The following CALCRL variants were observed in gnomAD, a reference collection of about 807,000 sequenced individuals.
CALCRL encodes the protein calcitonin receptor like receptor, also known as calcitonin gene-related peptide type 1 receptor.
In CALCRL, 27 loss-of-function variants were observed where a neutral mutation model predicts 60.4. The ratio of observed to expected loss-of-function variants is 0.45; its 90% CI spans 0.33 to 0.62. CALCRL has a LOEUF of 0.62. Among genes scored for constraint, CALCRL ranks in the 20% least tolerant of loss-of-function variants. CALCRL has a pLI of 0.03. For missense variants in CALCRL, 424 were observed against 540.7 expected, an observed-to-expected ratio of 0.78 and a Z score of 2.14; for synonymous variants, 190 against 182.6, an observed-to-expected ratio of 1.04 and a Z score of -0.33.
chr2:187,381,484 G>A (rs987628415), intron 5 of CALCRL, among the ~76,000 whole-genome samples: 3 of 151,428 alleles, frequency 2.0e-5, no homozygotes, highest in Admixed American at 6.6e-5. Flanking sequence ...TTGAGACTGA[G>A]TCTTGCTCTG....
In CALCRL at chr2:187,417,833, A is replaced by G. The variant is rs1689683175; in HGVS notation, c.-292-30077T>C. Among the ~76,000 whole-genome samples the G allele has an allele frequency of 2.0e-5, 3 of 152,222 alleles. No individual in the cohort carries two copies. In the South Asian group the frequency reaches 6.2e-4, roughly 32 times the overall value. On this transcript the variant is annotated intron_variant, in intron 1 of 14. Coordinates refer to ENST00000392370, the MANE Select transcript of CALCRL (RefSeq NM_005795.6). ...AAAAGTTAATTTAAAGGTATGAACT[A>G]TAAAACCACCACAGGAAAGAGGATA...
chr2:187,391,340 T>G (rs1688437888), intron 1 of CALCRL, among the ~76,000 whole-genome samples: 1 of 152,210 alleles, frequency 6.6e-6, no homozygotes, highest in Non-Finnish European at 1.5e-5. Flanking sequence ...TCTTGTTAAA[T>G]TATTTACTGA....
At chr2:187,346,537 GC>G in intron 14 of CALCRL, 138 bp from the exon 15 acceptor site, 1 of 587,498 alleles carries the variant, frequency 1.7e-6, no homozygotes, top group South Asian at 2.3e-5. Context: ...GAATAATATA[GC>G]TTCATTTTCT....
chr2:187,399,462 A>C (rs1688792955), intron 1 of CALCRL, among the ~76,000 whole-genome samples: 2 of 151,626 alleles, frequency 1.3e-5, no homozygotes, highest in South Asian at 4.1e-4. Context: ...TATAGATAGG[A>C]CATTGAAAGC....
intron 9 of CALCRL, among the ~76,000 whole-genome samples, chr2:187,361,145 A>G (rs1450520890): frequency 7.2e-6 from 1 of 139,198 alleles, no homozygotes; most frequent in East Asian, 2.1e-4. Context: ...TAGTAATTTT[A>G]AAACCAATTC....
rs930053491 is a variant in CALCRL, at chr2:187,342,264, A to T, written c.*3920T>A. On this transcript the variant is annotated 3_prime_UTR_variant, in exon 15 of 15. Transcript: ENST00000392370. ...GTAGAGATAGAGGGATAGAGAAGTG[A>T]TGGCTAAAGGATACACTGTTTCTTC... 1.3e-5 allele frequency among the ~76,000 whole-genome samples: 2 copies of T among 151,782 alleles called. No individual in the cohort carries two copies. The highest frequency in any genetic ancestry group is 4.8e-5 in the African/African-American group (2 of 41,432).
rs1287466699 is a variant in CALCRL at position 187,345,484 on chromosome 2, G to T, written c.*700C>A. ...AAGATGTTTTCCTAATGATATAGAAGTAGGATTGCATATTATACATCCTGT... is the reference window on the plus strand; with the variant it reads ...AAGATGTTTTCCTAATGATATAGAATTAGGATTGCATATTATACATCCTGT... On this transcript the variant is annotated 3_prime_UTR_variant, in exon 15 of 15. Transcript: ENST00000392370. 1 of 152,160 alleles carries T rather than the reference G, an allele frequency of 6.6e-6. No homozygotes were observed. Among genetic ancestry groups the T allele is most frequent in the African/African-American group, 2.4e-5 (1 of 41,368 alleles). 9.4% of individuals were successfully genotyped at this position (152,160 alleles called of 1,614,324 possible).
intron 1 of CALCRL, among the ~76,000 whole-genome samples, chr2:187,424,241 G>C (rs889931055): frequency 6.6e-6 from 1 of 152,000 alleles, no homozygotes; most frequent in Non-Finnish European, 1.5e-5. Flanking sequence ...TAAATGAGGG[G>C]TCTGTTTTTC....
At chr2:187,407,055 G>A (rs1038385961) in intron 1 of CALCRL, among the ~76,000 whole-genome samples, 2 of 151,806 alleles carry the variant, frequency 1.3e-5, no homozygotes, top group Non-Finnish European at 2.9e-5. Context: ...TTTTGTATGT[G>A]CCTTCTAACA....
In CALCRL at chr2:187,379,030, G is replaced by C. The variant is rs769126510; in HGVS notation, c.410C>G (p.Thr137Ser). 1 of 1,592,480 alleles carries C rather than the reference G, an allele frequency of 6.3e-7. No individual in the cohort carries two copies. The highest frequency in any genetic ancestry group is 8.6e-7 in the Non-Finnish European group (1 of 1,163,274). Residue 137 changes from threonine to serine, a missense_variant and splice_region_variant, in exon 8 of 15, where the codon ACT becomes AGT. Thr to Ser is a moderately conservative substitution (Grantham distance 58). Coordinates refer to ENST00000392370, the MANE Select transcript of CALCRL (RefSeq NM_005795.6). Reference sequence around the variant, plus strand: ...GGTCAGGTAAAACAAATTTAGTGCAGTCTGTAATTTGTATAAACAAAAAAA... The same window carrying C: ...GGTCAGGTAAAACAAATTTAGTGCACTCTGTAATTTGTATAAACAAAAAAA... ...CNVNTHEKVK[T>S]ALNLFYLTII...
At chr2:187,433,537 A>C (rs1319514536) in intron 1 of CALCRL, among the ~76,000 whole-genome samples, 1 of 152,126 alleles carries the variant, frequency 6.6e-6, no homozygotes, top group African/African-American at 2.4e-5. Flanking sequence ...CAAAAAGAAA[A>C]CATTATTAAG....
Position 187,438,858 on chromosome 2 carries a change from T to C in CALCRL, c.-293+9181A>G, listed in dbSNP as rs1160827119. Among the ~76,000 whole-genome samples the C allele has an allele frequency of 2.6e-4, 39 of 152,172 alleles. 1 individual carries two copies. Among genetic ancestry groups the C allele is most frequent in the Non-Finnish European group, 2.9e-5 (2 of 68,024 alleles). ...TCAAAGTCAGTGAAGAAATACATAT[T>C]AGGTTGAAGTAAGAATAAAAAAATG... On this transcript the variant is annotated intron_variant, in intron 1 of 14. Coordinates refer to ENST00000392370, the MANE Select transcript of CALCRL (RefSeq NM_005795.6).
chr2:187,415,588 G>GA, intron 1 of CALCRL: 1 of 559,056 alleles, frequency 1.8e-6, no homozygotes, highest in Non-Finnish European at 3.3e-6. Context: ...CTGCCGTCTG[G>GA]AAAAACCTGC....
intron 1 of CALCRL, among the ~76,000 whole-genome samples, chr2:187,419,525 C>A (rs755235739): frequency 5.3e-5 from 8 of 152,134 alleles, no homozygotes; most frequent in Non-Finnish European, 1.2e-4. Context: ...TTCATTATGG[C>A]AGCCCTTGCA....
At chr2:187,357,982 A>G (rs1315170100) in intron 12 of CALCRL, among the ~76,000 whole-genome samples, 2 of 151,752 alleles carry the variant, frequency 1.3e-5, no homozygotes. Flanking sequence ...CTAAAATACC[A>G]CTCCTAAGGA....
intron 1 of CALCRL, among the ~76,000 whole-genome samples, chr2:187,402,140 C>T (rs1211839592): frequency 3.3e-5 from 5 of 151,472 alleles, no homozygotes; most frequent in Non-Finnish European, 1.5e-5. Context: ...CAATTTCTTA[C>T]AAATACTAGA....
intron 8 of CALCRL, among the ~76,000 whole-genome samples, chr2:187,368,797 C>A (rs3755251): frequency 0.17 from 26,030 of 151,862 alleles, 2,998 homozygotes; most frequent in East Asian, 0.41. Context: ...TCTTTTCCCC[C>A]AAAAAACACT....
At chr2:187,439,359 T>A (rs1690789171) in intron 1 of CALCRL, among the ~76,000 whole-genome samples, 1 of 151,790 alleles carries the variant, frequency 6.6e-6, no homozygotes, top group African/African-American at 2.4e-5. Flanking sequence ...CACGCTGAGG[T>A]AGGAGAATTG....
At chr2:187,409,148 A>G (rs1417751257) in intron 1 of CALCRL, among the ~76,000 whole-genome samples, 3 of 152,132 alleles carry the variant, frequency 2.0e-5, no homozygotes, top group South Asian at 2.1e-4. Flanking sequence ...CCAAATAATG[A>G]TGGATAATAG....
Sources: gnomAD v4.1 joint callset for allele counts (sites outside exome capture counted in the v4.1 genomes callset) on GRCh38, gnomAD v4.1.1 for gene constraint, MANE v1.5 for transcripts, NCBI Gene and HGNC (gene_info 2026-07-23, HGNC 2026-07-21) for gene names.